Variants in ATP10D observed in about 807,000 individuals in gnomAD.
The protein encoded by ATP10D is ATPase phospholipid transporting 10D (putative), also known as phospholipid-transporting ATPase VD.
A neutral mutation model predicts 144.8 loss-of-function variants in ATP10D; 89 were observed. That is an observed-to-expected ratio of 0.61 (90% CI 0.52 to 0.73). The LOEUF is 0.73. ATP10D is among the 30% of genes least tolerant of loss of function. The pLI, the probability that ATP10D is intolerant of heterozygous loss-of-function variation, is 0.00. For missense variants in ATP10D, 1,603 were observed against 1,714.8 expected, an observed-to-expected ratio of 0.93 and a Z score of 1.15; for synonymous variants, 571 against 615.1, an observed-to-expected ratio of 0.93 and a Z score of 1.06.
intron 5 of ATP10D, among the ~76,000 whole-genome samples, chr4:47,527,301 A>G (rs1239029024): frequency 5.9e-5 from 9 of 152,166 alleles, no homozygotes; most frequent in Admixed American, 5.9e-4. Context: ...ACAAAAATTA[A>G]CTGAAAGTGA....
intron 3 of ATP10D, among the ~76,000 whole-genome samples, chr4:47,520,938 C>G (rs1298830341): frequency 6.6e-6 from 1 of 152,168 alleles, no homozygotes; most frequent in African/African-American, 2.4e-5. Flanking sequence ...TCAACAATTT[C>G]ACGTTATCAA....
At chr4:47,532,131 C>T (rs1717601567) in intron 5 of ATP10D, among the ~76,000 whole-genome samples, 1 of 152,166 alleles carries the variant, frequency 6.6e-6, no homozygotes. Context: ...TTCAAAATTT[C>T]TGGGAGTGGA....
intron 21 of ATP10D, among the ~76,000 whole-genome samples, chr4:47,582,378 A>G (rs189756860): frequency 1.3e-5 from 2 of 152,330 alleles, no homozygotes; most frequent in African/African-American, 4.8e-5. Flanking sequence ...TTTTAGTGAA[A>G]ATGAAAAAAG....
intron 11 of ATP10D, among the ~76,000 whole-genome samples, chr4:47,555,758 CT>C (rs1000233645): frequency 3.5e-4 from 51 of 146,974 alleles, no homozygotes; most frequent in Admixed American, 6.1e-4. Context: ...TTTTTTCTTC[CT>C]TTTTTTTTTT....
rs375420700 is a variant in ATP10D, at chr4:47,536,893, C to G, written c.1351C>G (p.Arg451Gly). ...CCTCACTGAGAATAAGATGGTTTTT[C>G]GAAGATGTAGTGTGGCAGGATTTGA... ...GTLTENKMVF[R>G]RCSVAGFDYC... The change falls in exon 9 of 23, where the codon CGA (arginine) becomes GGA (glycine). Residue 451 changes from arginine (R) to glycine (G), a missense_variant. Physicochemically the swap from Arg to Gly is moderately radical, Grantham distance 125. Coordinates refer to ENST00000273859, the MANE Select transcript of ATP10D (RefSeq NM_020453.4). 5.0e-6 allele frequency: 8 copies of G among 1,612,588 alleles called. No homozygotes were observed. The highest frequency in any genetic ancestry group is 1.3e-5 in the African/African-American group (1 of 74,772).
At chr4:47,574,732 T>C (rs1720135880) in intron 18 of ATP10D, among the ~76,000 whole-genome samples, 1 of 152,140 alleles carries the variant, frequency 6.6e-6, no homozygotes, top group Admixed American at 6.5e-5. Context: ...CCTGAGGTTC[T>C]AGTGTATCTA....
intron 3 of ATP10D, among the ~76,000 whole-genome samples, chr4:47,521,956 T>A (rs1716963555): frequency 6.6e-6 from 1 of 152,250 alleles, no homozygotes; most frequent in African/African-American, 2.4e-5. Context: ...GCTGATATAA[T>A]TCTGTATGGC....
At chr4:47,569,355 A>G (rs1477108377) in intron 16 of ATP10D, among the ~76,000 whole-genome samples, 1 of 151,808 alleles carries the variant, frequency 6.6e-6, no homozygotes, top group East Asian at 2.0e-4. Flanking sequence ...GGGATGTGAC[A>G]TGGTAAACAA....
chr4:47,548,683 T>G (rs11729212), intron 10 of ATP10D, among the ~76,000 whole-genome samples: 36,160 of 152,146 alleles, frequency 0.24, 4,294 homozygotes, highest in Admixed American at 0.3. Context: ...GATGCTCTTG[T>G]GCTGCTGTTA....
intron 9 of ATP10D, among the ~76,000 whole-genome samples, chr4:47,541,622 TGGAGGATTGATGATACAATTGAA>T (rs1484443484): frequency 6.6e-6 from 1 of 152,206 alleles, no homozygotes; most frequent in East Asian, 1.9e-4. Flanking sequence ...AAAGGGTTGA[TGGAGGATTGATGATACAATTGAA>T]GGAAGCTCAT....
chr4:47,512,898 T>C lies in ATP10D; in HGVS notation c.290+68T>C, dbSNP rs796339194. 8.5e-6 allele frequency: 12 copies of C among 1,408,526 alleles called. No homozygotes were observed. The African/African-American group carries it at 1.4e-4, about 17-fold the overall frequency. The allele number at this position is 1,408,526 out of a possible 1,614,324, so 87.3% of individuals were successfully genotyped here. A position where few individuals can be genotyped will look rare whatever the true frequency, so the allele number is the denominator to read the frequency against. On this transcript the variant is annotated intron_variant, in intron 2 of 22. Coordinates refer to ENST00000273859, the MANE Select transcript of ATP10D (RefSeq NM_020453.4). ...GTTGATATATAACATATTTTTCATT[T>C]TCATAACCCTGTATATTACTTAAAC...
intron 10 of ATP10D, among the ~76,000 whole-genome samples, chr4:47,550,745 A>C (rs34442412): frequency 6.6e-6 from 1 of 152,026 alleles, no homozygotes; most frequent in Non-Finnish European, 1.5e-5. Context: ...GCACTTAGCC[A>C]TGCAGGAACA....
At chr4:47,537,987 T>G (rs1175700038) in intron 9 of ATP10D, among the ~76,000 whole-genome samples, 1 of 152,168 alleles carries the variant, frequency 6.6e-6, no homozygotes. Flanking sequence ...TATATATTTA[T>G]TCAATTGTTT....
chr4:47,576,596 T>C (rs1720255155), intron 18 of ATP10D, among the ~76,000 whole-genome samples, 177 bp from the exon 19 acceptor site: 1 of 152,194 alleles, frequency 6.6e-6, no homozygotes, highest in African/African-American at 2.4e-5. Context: ...ATGTGTGCAC[T>C]TTAATTTAAT....
rs1262853499 is a variant in ATP10D, at chr4:47,557,660, A to C, written c.1825-4A>C. On this transcript the variant is annotated splice_region_variant and splice_polypyrimidine_tract_variant and intron_variant, in intron 11 of 22. Coordinates refer to ENST00000273859, the MANE Select transcript of ATP10D (RefSeq NM_020453.4). The stretch of plus-strand genomic sequence containing the variant: ...TTGAGACCTTTCTAAATTGTCTTTC[A>C]TAGATCAGACACCCTTCACTGGGGG... 1 of 1,597,092 alleles carries C rather than the reference A, an allele frequency of 6.3e-7. No individual in the cohort carries two copies. The highest frequency in any genetic ancestry group is 2.2e-5 in the East Asian group (1 of 44,510).
At position 47,554,806 on chromosome 4, in the gene ATP10D, G is replaced by A; in HGVS notation, c.1716G>A (p.Glu572=). 1 of 1,614,020 alleles carries A rather than the reference G, an allele frequency of 6.2e-7. No homozygotes were observed. The highest frequency in any genetic ancestry group is 1.3e-5 in the African/African-American group (1 of 75,030). The change falls in exon 11 of 23, where the codon GAG becomes GAA. Residue 572 remains glutamate, a synonymous_variant. Transcript: ENST00000273859. ...CTCGGCTCTTTATGCCACTAGATGA[G>A]ACCATCCAAAATCCACCAATGGAAA... ...ITPRLFMPLD[E]TIQNPPMETL...
Position 47,578,840 on chromosome 4 carries a change from C to T in ATP10D, c.3568-1558C>T, listed in dbSNP as rs182702827. Among the ~76,000 whole-genome samples the T allele has an allele frequency of 5.3e-5, 8 of 151,844 alleles. No individual in the cohort carries two copies. The South Asian group carries it at 1.0e-3, about 20-fold the overall frequency. On this transcript the variant is annotated intron_variant, in intron 19 of 22. Coordinates refer to ENST00000273859, the MANE Select transcript of ATP10D (RefSeq NM_020453.4). ...TTCATTGTTTTGATTTTCCAGAGAA[C>T]GAAGGGATAAAAAAGGATAGATGTA...
chr4:47,550,691 A>G (rs1460408124), intron 10 of ATP10D, among the ~76,000 whole-genome samples: 2 of 152,228 alleles, frequency 1.3e-5, no homozygotes, highest in Non-Finnish European at 2.9e-5. Flanking sequence ...GAAGAGAACC[A>G]TGGAACCCCT....
At chr4:47,498,105 T>C (rs1374443300) in intron 1 of ATP10D, among the ~76,000 whole-genome samples, 1 of 152,178 alleles carries the variant, frequency 6.6e-6, no homozygotes, top group Non-Finnish European at 1.5e-5. Flanking sequence ...ATTTTCCTCA[T>C]TGGAAAACTG....
Sources: gnomAD v4.1 joint callset for allele counts (sites outside exome capture counted in the v4.1 genomes callset) on GRCh38, gnomAD v4.1.1 for gene constraint, MANE v1.5 for transcripts, NCBI Gene and HGNC (gene_info 2026-07-23, HGNC 2026-07-21) for gene names.